The following FUT8 variants were observed in gnomAD, a reference collection of about 807,000 sequenced individuals.
The protein encoded by FUT8 is fucosyltransferase 8, also known as alpha-(1,6)-fucosyltransferase.
A neutral mutation model predicts 71.3 loss-of-function variants in FUT8; 29 were observed. That is an observed-to-expected ratio of 0.41 (90% CI 0.30 to 0.55). FUT8 has a LOEUF of 0.55. Ranked by LOEUF, FUT8 falls within the 20% of genes least tolerant of loss-of-function variation. FUT8 has a pLI of 0.34. For missense variants in FUT8, 544 were observed against 702.1 expected, an observed-to-expected ratio of 0.77 and a Z score of 2.55; for synonymous variants, 254 against 239.3, an observed-to-expected ratio of 1.06 and a Z score of -0.57.
intron 6 of FUT8, among the ~76,000 whole-genome samples, chr14:65,650,794 A>G (rs1051264842): frequency 6.6e-6 from 1 of 151,656 alleles, no homozygotes; most frequent in Non-Finnish European, 1.5e-5. Context: ...TTTACTTCCT[A>G]TATATCCCAG....
At chr14:65,628,713 C>T (rs1018206539) in intron 5 of FUT8, among the ~76,000 whole-genome samples, 5 of 152,232 alleles carry the variant, frequency 3.3e-5, no homozygotes, top group Admixed American at 1.3e-4. Context: ...TTACTTTACT[C>T]TGCAGGTAAT....
chr14:65,525,120 AT>A (rs1173425609), intron 2 of FUT8, among the ~76,000 whole-genome samples: 3 of 152,184 alleles, frequency 2.0e-5, no homozygotes, highest in African/African-American at 7.2e-5. Flanking sequence ...ATTGATGGGA[AT>A]AGTTTCAGAA....
chr14:65,696,488 C>G (rs376819051), intron 7 of FUT8, among the ~76,000 whole-genome samples: 10 of 152,114 alleles, frequency 6.6e-5, no homozygotes, highest in South Asian at 2.1e-4. Context: ...TTTTTTCTGA[C>G]TTTTTGCAGT....
chr14:65,441,033 GA>G lies in FUT8; in HGVS notation c.-325-14580del, dbSNP rs920753728. 1.2e-4 allele frequency among the ~76,000 whole-genome samples: 18 copies of G among 151,302 alleles called. 1 individual carries two copies. Among genetic ancestry groups the G allele is most frequent in the Non-Finnish European group, 2.5e-4 (17 of 67,718 alleles). ...AAACTATGTCTGCCACTTAAAAGAGGAAAAAAAAGAATGAATATAAGCTGGT... is the reference window on the plus strand; with the variant it reads ...AAACTATGTCTGCCACTTAAAAGAGGAAAAAAAGAATGAATATAAGCTGGT... On this transcript the variant is annotated intron_variant, in intron 1 of 10. Transcript: ENST00000673929.
intron 1 of FUT8, among the ~76,000 whole-genome samples, chr14:65,428,237 T>A (rs2065418402): frequency 1.3e-5 from 2 of 152,204 alleles, no homozygotes; most frequent in South Asian, 4.1e-4. Flanking sequence ...TGTGTGTGTG[T>A]CTTTTTCTGG....
Position 65,742,101 on chromosome 14 carries a change from A to G in FUT8, c.1419A>G (p.Arg473=), listed in dbSNP as rs1458958177. The G allele has an allele frequency of 3.1e-6, 5 of 1,610,774 alleles. No homozygotes were observed. In the Admixed American group the frequency reaches 8.4e-5, roughly 27 times the overall value. The change falls in exon 11 of 11, where the codon CGA becomes CGG. Residue 473 remains arginine, a synonymous_variant. Transcript: ENST00000673929. ...TTAAATTCTTTCCCAAGGTCTGTCG[A>G]GTTGCTTATGAAATTATGCAAACAC... The part of the protein sequence containing the change: ...LVCTFSSQVC[R]VAYEIMQTLH...
chr14:65,659,470 T>C (rs1330474218), intron 6 of FUT8, among the ~76,000 whole-genome samples: 2 of 152,144 alleles, frequency 1.3e-5, no homozygotes, highest in African/African-American at 4.8e-5. Flanking sequence ...AACTTAAAAC[T>C]CTGACTTTTA....
intron 3 of FUT8, among the ~76,000 whole-genome samples, chr14:65,613,278 A>G (rs973513391): frequency 6.6e-6 from 1 of 152,168 alleles, no homozygotes; most frequent in Non-Finnish European, 1.5e-5. Flanking sequence ...TCACTAACAT[A>G]TGTTCTGAAA....
intron 7 of FUT8, among the ~76,000 whole-genome samples, chr14:65,715,974 C>CAA (rs36028848): frequency 0.037 from 4,718 of 126,846 alleles, 132 homozygotes; most frequent in African/African-American, 0.091. Context: ...GACCCTCTCT[C>CAA]AAAAAAAAAA....
At chr14:65,468,541 T>C (rs1196618677) in intron 2 of FUT8, among the ~76,000 whole-genome samples, 1 of 152,158 alleles carries the variant, frequency 6.6e-6, no homozygotes, top group Admixed American at 6.5e-5. Context: ...CTTGCTTCTT[T>C]CGAGATATCT....
chr14:65,454,354 T>C (rs1404672454), intron 1 of FUT8, among the ~76,000 whole-genome samples: 1 of 152,162 alleles, frequency 6.6e-6, no homozygotes, highest in Non-Finnish European at 1.5e-5. Context: ...AGGCTGGGCA[T>C]GGTGGCTCAT....
At chr14:65,633,364 C>G (rs565683238) in intron 6 of FUT8, among the ~76,000 whole-genome samples, 4,189 of 151,834 alleles carry the variant, frequency 0.028, 89 homozygotes, top group Middle Eastern at 0.051. Flanking sequence ...GATCTCGGCT[C>G]GCTACAACCT....
At chr14:65,622,403 A>C (rs918712502) in intron 5 of FUT8, among the ~76,000 whole-genome samples, 2 of 152,196 alleles carry the variant, frequency 1.3e-5, no homozygotes, top group Non-Finnish European at 2.9e-5. Flanking sequence ...ACATTAGGAA[A>C]ACTTAACTCT....
chr14:65,640,543 C>A (rs1439768422), intron 6 of FUT8, among the ~76,000 whole-genome samples: 1 of 152,002 alleles, frequency 6.6e-6, no homozygotes, highest in African/African-American at 2.4e-5. Flanking sequence ...AATCTGTCAA[C>A]AGTATTTACT....
chr14:65,591,147 T>G (rs1210495169), intron 3 of FUT8, among the ~76,000 whole-genome samples: 2 of 152,138 alleles, frequency 1.3e-5, no homozygotes, highest in African/African-American at 4.8e-5. Context: ...CAAAGAATAG[T>G]GTGAATACAT....
chr14:65,680,744 C>G (rs573132796), intron 7 of FUT8, among the ~76,000 whole-genome samples: 1 of 152,324 alleles, frequency 6.6e-6, no homozygotes, highest in East Asian at 1.9e-4. Context: ...GAATCCTTCT[C>G]TTTTTAATCT....
chr14:65,464,250 G>A (rs1321940116), intron 2 of FUT8, among the ~76,000 whole-genome samples: 6 of 132,910 alleles, frequency 4.5e-5, no homozygotes, highest in Non-Finnish European at 9.4e-5. Context: ...TTGTTGGTCA[G>A]TACTTTGGGT....
chr14:65,555,027 C>T (rs1433145007), intron 2 of FUT8, among the ~76,000 whole-genome samples: 2 of 151,978 alleles, frequency 1.3e-5, no homozygotes, highest in East Asian at 1.9e-4. Flanking sequence ...TAACTGGAGT[C>T]AGTAGACTTT....
intron 2 of FUT8, among the ~76,000 whole-genome samples, chr14:65,486,300 A>G (rs1485009172): frequency 2.0e-5 from 3 of 152,228 alleles, no homozygotes; most frequent in African/African-American, 7.2e-5. Flanking sequence ...ACTACAGTAC[A>G]TACTAGTGGA....
Sources: gnomAD v4.1 joint callset for allele counts (sites outside exome capture counted in the v4.1 genomes callset) on GRCh38, gnomAD v4.1.1 for gene constraint, MANE v1.5 for transcripts, NCBI Gene and HGNC (gene_info 2026-07-23, HGNC 2026-07-21) for gene names.